OCIAD1: variants seen among roughly 807,000 people sequenced by gnomAD.
OCIAD1 encodes OCIA domain-containing protein 1.
Under a neutral mutation model 38.9 loss-of-function variants are expected in OCIAD1, and 29 were observed. The observed-to-expected ratio is 0.74, with a 90% CI of 0.55 to 1.02. OCIAD1 has a LOEUF of 1.02. OCIAD1 is among the 50% of genes least tolerant of loss of function. The pLI is 0.00. For synonymous variants in OCIAD1, 110 were observed against 92.0 expected (o/e 1.20, Z -1.12); for missense variants, 288 against 289.6 (o/e 0.99, Z 0.04).
Position 48,851,995 on chromosome 4 carries a change from T to C in OCIAD1, c.547+20T>C. 6.4e-7 allele frequency: 1 copy of C among 1,571,396 alleles called. No individual in the cohort carries two copies. The highest frequency in any genetic ancestry group is 8.7e-7 in the Non-Finnish European group (1 of 1,155,048). On this transcript the variant is annotated intron_variant, in intron 7 of 8. Transcript: ENST00000264312. ...TCCAAGGTAGAAACTTCTCTTGAAA[T>C]GAATTTCAACATTTTATGGTCCAAC...
upstream of OCIAD1, among the ~76,000 whole-genome samples, chr4:48,826,473 G>C (rs1221329543): frequency 6.6e-6 from 1 of 152,090 alleles, no homozygotes; most frequent in Non-Finnish European, 1.5e-5. Flanking sequence ...TCCCTACAAA[G>C]GACATGAACT....
intron 4 of OCIAD1, among the ~76,000 whole-genome samples, chr4:48,844,949 A>G (rs1168624313): frequency 6.6e-6 from 1 of 152,184 alleles, no homozygotes; most frequent in Non-Finnish European, 1.5e-5. Flanking sequence ...GTACATGTTT[A>G]GTATAGATGC....
Position 48,861,026 on chromosome 4 carries a change from G to A in OCIAD1, c.*264G>A. The A allele has an allele frequency of 2.7e-6, 1 of 375,798 alleles. No homozygotes were observed. The highest frequency in any genetic ancestry group is 4.7e-6 in the Non-Finnish European group (1 of 211,532). The allele number at this position is 375,798 out of a possible 1,614,324, so 23.3% of individuals were successfully genotyped here. A position where few individuals can be genotyped will look rare whatever the true frequency, so the allele number is the denominator to read the frequency against. ...ATACAGTTTGTGAAATTGTTGCAAG[G>A]GCAAAGATAACTCTTAAAAAACCGT... is the stretch of plus-strand genomic sequence containing the variant. On this transcript the variant is annotated 3_prime_UTR_variant, in exon 9 of 9. Coordinates refer to ENST00000264312, the MANE Select transcript of OCIAD1 (RefSeq NM_017830.4).
At chr4:48,852,672 T>C (rs577420911) in intron 7 of OCIAD1, among the ~76,000 whole-genome samples, 5 of 152,274 alleles carry the variant, frequency 3.3e-5, no homozygotes, top group African/African-American at 7.2e-5. Context: ...ATGGAGATGA[T>C]ACTACCTCTC....
chr4:48,854,471 G>A (rs1231700103), intron 7 of OCIAD1, among the ~76,000 whole-genome samples: 1 of 152,174 alleles, frequency 6.6e-6, no homozygotes, highest in Non-Finnish European at 1.5e-5. Flanking sequence ...CACAGATAAG[G>A]GGGCACTACT....
At chr4:48,835,094 C>T (rs971390627) in intron 3 of OCIAD1, among the ~76,000 whole-genome samples, 3 of 152,086 alleles carry the variant, frequency 2.0e-5, no homozygotes, top group East Asian at 1.9e-4. Context: ...CCACCATGCC[C>T]GGCTAATTTT....
intron 1 of OCIAD1, chr4:48,831,582 TA>T: frequency 7.8e-7 from 1 of 1,283,818 alleles, no homozygotes; most frequent in Non-Finnish European, 1.0e-6. Flanking sequence ...TTGTTTTGTG[TA>T]AAGAACTTAA....
rs1033732393 is a variant in OCIAD1 at position 48,861,062 on chromosome 4, A to G, written c.*300A>G. 16 of 300,142 alleles carry G rather than the reference A, an allele frequency of 5.3e-5. No individual in the cohort carries two copies. Among genetic ancestry groups the G allele is most frequent in the African/African-American group, 2.4e-4 (11 of 46,090 alleles). 18.6% of individuals were successfully genotyped at this position (300,142 alleles called of 1,614,324 possible). A position where few individuals can be genotyped will look rare whatever the true frequency, so the allele number is the denominator to read the frequency against. On this transcript the variant is annotated 3_prime_UTR_variant, in exon 9 of 9. Coordinates refer to ENST00000264312, the MANE Select transcript of OCIAD1 (RefSeq NM_017830.4). ...CTCTTAAAAAACCGTCGAGATTACA[A>G]TGCTCTAGAATCAGCATATAAGAAA...
At chr4:48,821,443 C>T (rs539541701) in intron 1 of OCIAD1, among the ~76,000 whole-genome samples, 1 of 152,314 alleles carries the variant, frequency 6.6e-6, no homozygotes, top group South Asian at 2.1e-4. Context: ...TAGCCAATAT[C>T]ATACTGAATG....
chr4:48,809,609 G>A lies in OCIAD1; in HGVS notation c.-103+4279G>A, dbSNP rs1247228885. Among the ~76,000 whole-genome samples, 6 of 152,036 alleles carry A rather than the reference G, an allele frequency of 3.9e-5. No homozygotes were observed. In the East Asian group the frequency reaches 9.6e-4, roughly 24 times the overall value. On this transcript the variant is annotated intron_variant, in intron 1 of 6. Transcript: ENST00000504654. ...GACATTTGAGGCCCTTCATGATACG[G>A]CCTCTGTCTACCTTATCAGCTCTTA...
chr4:48,820,372 T>C (rs1416310019), intron 1 of OCIAD1, among the ~76,000 whole-genome samples: 2 of 152,122 alleles, frequency 1.3e-5, no homozygotes, highest in Non-Finnish European at 2.9e-5. Flanking sequence ...AGAAACAACA[T>C]ACTAGAATCT....
At chr4:48,831,840 A>AG (rs1777535185) in intron 1 of OCIAD1, among the ~76,000 whole-genome samples, 1 of 152,184 alleles carries the variant, frequency 6.6e-6, no homozygotes, top group African/African-American at 2.4e-5. Flanking sequence ...GGAAGGGCTC[A>AG]GTTGCTGTCC....
intron 3 of OCIAD1, among the ~76,000 whole-genome samples, chr4:48,841,200 G>A (rs959029427): frequency 1.3e-5 from 2 of 152,154 alleles, no homozygotes; most frequent in African/African-American, 4.8e-5. Context: ...GAGTAACTGG[G>A]ACAGAGATTG....
At chr4:48,806,230 G>T (rs1456748412) in intron 1 of OCIAD1, among the ~76,000 whole-genome samples, 7 of 152,126 alleles carry the variant, frequency 4.6e-5, no homozygotes, top group African/African-American at 1.7e-4. Context: ...TCACGCCCCT[G>T]TGCTCCAGCC....
intron 1 of OCIAD1, among the ~76,000 whole-genome samples, chr4:48,813,187 A>G (rs1777108517): frequency 6.6e-6 from 1 of 152,192 alleles, no homozygotes; most frequent in African/African-American, 2.4e-5. Flanking sequence ...CACTTTTTCT[A>G]TTACATATTA....
At position 48,834,657 on chromosome 4, in the gene OCIAD1, A is replaced by C. The variant is rs116305984; in HGVS notation, c.139+1176A>C. On this transcript the variant is annotated intron_variant, in intron 3 of 8. Coordinates refer to ENST00000264312, the MANE Select transcript of OCIAD1 (RefSeq NM_017830.4). ...GTGGTGATACGTAGCTGTAATCGCA[A>C]CCATTTGGGAGGCTGAGGCTGAGGT... Among the ~76,000 whole-genome samples, 229 of 152,108 alleles carry C rather than the reference A, an allele frequency of 1.5e-3. 1 individual carries two copies. Among genetic ancestry groups the C allele is most frequent in the African/African-American group, 5.3e-3 (221 of 41,526 alleles).
chr4:48,807,753 G>T (rs1475884267), intron 1 of OCIAD1, among the ~76,000 whole-genome samples: 8 of 152,136 alleles, frequency 5.3e-5, no homozygotes, highest in African/African-American at 1.7e-4. Flanking sequence ...GTAGATTTGG[G>T]GAGGGGCTCC....
chr4:48,846,496 C>G (rs1227640333), intron 4 of OCIAD1, among the ~76,000 whole-genome samples: 1 of 152,130 alleles, frequency 6.6e-6, no homozygotes, highest in African/African-American at 2.4e-5. Context: ...TGCCGGTAAT[C>G]CCAGCACTTT....
chr4:48,824,091 A>G (rs1237475428), intron 1 of OCIAD1, among the ~76,000 whole-genome samples: 4 of 151,810 alleles, frequency 2.6e-5, no homozygotes, highest in African/African-American at 9.7e-5. Context: ...TGATCCTCCC[A>G]CTTCAGCCTC....
Sources: allele counts gnomAD v4.1 joint callset (sites outside exome capture counted in the v4.1 genomes callset), GRCh38; gene constraint gnomAD v4.1.1; transcripts MANE v1.5; gene names NCBI Gene and HGNC (gene_info 2026-07-23, HGNC 2026-07-21).